Variants in LRGUK observed in about 807,000 individuals in gnomAD.
The protein encoded by LRGUK is leucine rich repeats and guanylate kinase domain containing.
Under a neutral mutation model 76.0 loss-of-function variants are expected in LRGUK, and 65 were observed. The ratio of observed to expected loss-of-function variants is 0.85; its 90% CI spans 0.70 to 1.05. The LOEUF (loss-of-function observed/expected upper bound fraction) is 1.05. LRGUK is among the 50% of genes least tolerant of loss of function. The pLI, the probability that LRGUK is intolerant of heterozygous loss-of-function variation, is 0.00. For synonymous variants in LRGUK, 268 were observed against 265.6 expected (o/e 1.01, Z -0.09); for missense variants, 758 against 732.8 (o/e 1.03, Z -0.40).
At chr7:134,272,606 C>G in the LRGUK span, among the ~76,000 whole-genome samples, 2 of 152,276 alleles carry the variant, frequency 1.3e-5, no homozygotes, top group East Asian at 3.9e-4. Context: ...TACATTAAGT[C>G]AGGTACATCC....
At chr7:134,185,300 C>G (rs111773427) in intron 11 of LRGUK, among the ~76,000 whole-genome samples, 24 of 152,260 alleles carry the variant, frequency 1.6e-4, no homozygotes, top group Middle Eastern at 3.4e-3. Context: ...GTGGCTCACG[C>G]TTCTAATCCC....
Position 134,258,339 on chromosome 7 carries a change from G to T in LRGUK, c.2281G>T (p.Glu761Ter), listed in dbSNP as rs1350826429. The change falls in exon 19 of 20, where the codon GAG (glutamate) becomes TAG (stop). Residue 761 changes from glutamate to a stop codon, truncating the protein, a stop_gained. Transcript: ENST00000285928. LOFTEE classifies it high-confidence loss of function. ...AAAAGAATTGCCTTTCCAGCCTCCG[G>T]AGGGGAGCATTTCTTCACACCTAGG... is the stretch of plus-strand genomic sequence containing the variant. 1 of 1,614,108 alleles carries T rather than the reference G, an allele frequency of 6.2e-7. No individual in the cohort carries two copies. Among genetic ancestry groups the T allele is most frequent in the South Asian group, 1.1e-5 (1 of 91,068 alleles).
chr7:134,253,414 T>C (rs1045329924), intron 18 of LRGUK, among the ~76,000 whole-genome samples: 1 of 152,252 alleles, frequency 6.6e-6, no homozygotes, highest in African/African-American at 2.4e-5. Flanking sequence ...ATCTGACAGA[T>C]GGAAGAACTG....
intron 1 of LRGUK, among the ~76,000 whole-genome samples, chr7:134,129,255 T>C: frequency 9.1e-6 from 1 of 110,332 alleles, no homozygotes; most frequent in African/African-American, 3.5e-5. Flanking sequence ...CCTCCCTCTC[T>C]CTCTCCCTCC....
chr7:134,186,573 G>A (rs1031702861), intron 11 of LRGUK, among the ~76,000 whole-genome samples: 1 of 152,238 alleles, frequency 6.6e-6, no homozygotes, highest in East Asian at 1.9e-4. Flanking sequence ...ATAAATGACT[G>A]TAATAAGAAG....
intron 7 of LRGUK, among the ~76,000 whole-genome samples, chr7:134,170,619 T>C (rs1799200745): frequency 6.6e-6 from 1 of 152,174 alleles, no homozygotes; most frequent in Non-Finnish European, 1.5e-5. Flanking sequence ...TTACACATTG[T>C]ATGCTTGTAT....
intron 13 of LRGUK, among the ~76,000 whole-genome samples, chr7:134,198,586 G>C (rs1259579054): frequency 1.3e-5 from 2 of 152,226 alleles, no homozygotes; most frequent in African/African-American, 2.4e-5. Context: ...TTTCACCCGT[G>C]AGGAAACTGA....
At chr7:134,148,678 C>A (rs1199492398) in intron 5 of LRGUK, among the ~76,000 whole-genome samples, 1 of 152,162 alleles carries the variant, frequency 6.6e-6, no homozygotes, top group Non-Finnish European at 1.5e-5. Context: ...GTAATCCTAG[C>A]ACTTTGGGAG....
intron 18 of LRGUK, among the ~76,000 whole-genome samples, chr7:134,251,271 A>C (rs183613491): frequency 1.3e-5 from 2 of 152,182 alleles, no homozygotes; most frequent in Admixed American, 1.3e-4. Flanking sequence ...AGAAATTTGG[A>C]CACAGGCACA....
chr7:134,178,458 G>A, intron 9 of LRGUK, 45 bp from the exon 10 acceptor site: 1 of 1,472,624 alleles, frequency 6.8e-7, no homozygotes, highest in Non-Finnish European at 9.3e-7. Flanking sequence ...CTTCTTTTTA[G>A]AAACAAAACT....
chr7:134,140,060 C>T (rs1241301096), intron 3 of LRGUK, among the ~76,000 whole-genome samples: 1 of 152,182 alleles, frequency 6.6e-6, no homozygotes, highest in Non-Finnish European at 1.5e-5. Flanking sequence ...CCTCCGCCTC[C>T]TGGGTTCAAG....
the LRGUK span, among the ~76,000 whole-genome samples, chr7:134,274,903 T>C: frequency 6.6e-6 from 1 of 152,104 alleles, no homozygotes; most frequent in Non-Finnish European, 1.5e-5. Flanking sequence ...AATCTGTCTT[T>C]CATTTCAGTT....
At chr7:134,189,334 G>A (rs1481057224) in intron 11 of LRGUK, among the ~76,000 whole-genome samples, 1 of 152,148 alleles carries the variant, frequency 6.6e-6, no homozygotes, top group African/African-American at 2.4e-5. Flanking sequence ...TTTTTCTTAT[G>A]TAAGTTTAGT....
chr7:134,270,097 A>G, the LRGUK span, among the ~76,000 whole-genome samples: 2 of 152,222 alleles, frequency 1.3e-5, no homozygotes. Flanking sequence ...CAGTGCAATA[A>G]AGCAGGAAAA....
At chr7:134,150,220 A>G (rs1419303215) in intron 5 of LRGUK, among the ~76,000 whole-genome samples, 1 of 151,958 alleles carries the variant, frequency 6.6e-6, no homozygotes, top group Non-Finnish European at 1.5e-5. Flanking sequence ...GCTTTCAGTG[A>G]GCCCAGATGG....
chr7:134,170,266 C>A (rs910925595), intron 7 of LRGUK, among the ~76,000 whole-genome samples: 1 of 151,962 alleles, frequency 6.6e-6, no homozygotes, highest in Non-Finnish European at 1.5e-5. Context: ...TGAAGTCTAT[C>A]AATATTTTTC....
intron 4 of LRGUK, among the ~76,000 whole-genome samples, chr7:134,147,925 G>C (rs1397110861): frequency 6.6e-6 from 1 of 151,924 alleles, no homozygotes; most frequent in South Asian, 2.1e-4. Context: ...AGCCAGTTGC[G>C]GTGGTGGGCA....
chr7:134,212,583 A>T (rs541235358), downstream of LRGUK, among the ~76,000 whole-genome samples: 4 of 152,350 alleles, frequency 2.6e-5, no homozygotes, highest in Admixed American at 6.5e-5. Flanking sequence ...AATGCCAGTA[A>T]TTGCCCTCTG....
intron 12 of LRGUK, among the ~76,000 whole-genome samples, chr7:134,196,002 T>A (rs1294779911): frequency 6.6e-6 from 1 of 152,060 alleles, no homozygotes; most frequent in Non-Finnish European, 1.5e-5. Flanking sequence ...CCCCGTACCC[T>A]CACATCTCCA....
Sources: allele counts gnomAD v4.1 joint callset (sites outside exome capture counted in the v4.1 genomes callset), GRCh38; gene constraint gnomAD v4.1.1; transcripts MANE v1.5; gene names NCBI Gene and HGNC (gene_info 2026-07-23, HGNC 2026-07-21).